Variants in EPM2A observed in about 807,000 individuals in gnomAD.
EPM2A encodes laforin.
A neutral mutation model predicts 26.5 loss-of-function variants in EPM2A; 21 were observed. That is an observed-to-expected ratio of 0.79 (90% CI 0.56 to 1.14). The LOEUF (loss-of-function observed/expected upper bound fraction) is 1.14. Among genes scored for constraint, EPM2A ranks in the 50% most tolerant of loss-of-function variants. The pLI is 0.00. For synonymous variants in EPM2A, 217 were observed against 177.6 expected (o/e 1.22, Z -1.76); for missense variants, 458 against 440.8 (o/e 1.04, Z -0.35).
At chr6:145,698,514 C>T (rs1172204390) in intron 1 of EPM2A, among the ~76,000 whole-genome samples, 3 of 150,524 alleles carry the variant, frequency 2.0e-5, no homozygotes, top group Non-Finnish European at 4.4e-5. Flanking sequence ...TCAAACCATA[C>T]AGAGCAGAAA....
At chr6:145,421,999 A>T (rs979857745) in intron 4 of EPM2A, among the ~76,000 whole-genome samples, 9 of 148,538 alleles carry the variant, frequency 6.1e-5, no homozygotes, top group African/African-American at 2.2e-4. Context: ...AAATCCACAG[A>T]AGTATAGATT....
At chr6:145,530,402 C>T (rs928613855) in intron 2 of EPM2A, among the ~76,000 whole-genome samples, 4 of 152,212 alleles carry the variant, frequency 2.6e-5, no homozygotes, top group African/African-American at 9.6e-5. Context: ...AATTAGTACA[C>T]ACCTAATACT....
chr6:145,419,182 C>A (rs761787960), intron 4 of EPM2A, among the ~76,000 whole-genome samples: 4 of 113,988 alleles, frequency 3.5e-5, no homozygotes, highest in East Asian at 2.3e-4. Flanking sequence ...GTTAAATGTC[C>A]CCCCCCCCCG....
At chr6:145,553,957 C>T (rs1231252758) in intron 2 of EPM2A, among the ~76,000 whole-genome samples, 2 of 150,976 alleles carry the variant, frequency 1.3e-5, no homozygotes, top group African/African-American at 4.9e-5. Context: ...TAAGTATATG[C>T]ACTCTATATT....
intron 4 of EPM2A, among the ~76,000 whole-genome samples, chr6:145,461,305 G>C (rs1251663791): frequency 1.3e-5 from 2 of 152,144 alleles, no homozygotes; most frequent in Non-Finnish European, 2.9e-5. Flanking sequence ...TGCTTGGAGT[G>C]CACCATAGTC....
At chr6:145,682,064 A>G (rs1009680446) in intron 2 of EPM2A, among the ~76,000 whole-genome samples, 1 of 152,122 alleles carries the variant, frequency 6.6e-6, no homozygotes, top group African/African-American at 2.4e-5. Flanking sequence ...ATAAAGACAT[A>G]CCCAAGACTG....
intron 2 of EPM2A, among the ~76,000 whole-genome samples, chr6:145,562,592 C>A (rs2114816142): frequency 6.6e-6 from 1 of 152,180 alleles, no homozygotes; most frequent in African/African-American, 2.4e-5. Context: ...AAAGGAAATT[C>A]AACTTGAGTC....
chr6:145,529,515 C>T (rs1469836636), intron 2 of EPM2A, among the ~76,000 whole-genome samples: 1 of 152,062 alleles, frequency 6.6e-6, no homozygotes, highest in African/African-American at 2.4e-5. Context: ...TTATATTTTT[C>T]AGAAATAAAG....
chr6:145,418,412 G>A (rs945020477), intron 4 of EPM2A, among the ~76,000 whole-genome samples: 1 of 152,204 alleles, frequency 6.6e-6, no homozygotes, highest in Non-Finnish European at 1.5e-5. Context: ...GGGAAAGGAT[G>A]CCTCAAGTGG....
intron 4 of EPM2A, among the ~76,000 whole-genome samples, chr6:145,452,489 C>CAAAAAAAAAAAAAAAAAAAAA (rs563777945): frequency 2.6e-5 from 2 of 75,862 alleles, no homozygotes; most frequent in African/African-American, 6.1e-5. Flanking sequence ...ACTAAAAATA[C>CAAAAAAAAAAAAAAAAAAAAA]AAAAAAAAAA....
intron 1 of EPM2A, among the ~76,000 whole-genome samples, chr6:145,698,117 T>C (rs1429425407): frequency 1.3e-5 from 2 of 152,216 alleles, no homozygotes; most frequent in Admixed American, 1.3e-4. Flanking sequence ...CAATCCACGT[T>C]CTTCTGCCAT....
chr6:145,429,182 A>G (rs1285489986), intron 4 of EPM2A, among the ~76,000 whole-genome samples: 1 of 152,202 alleles, frequency 6.6e-6, no homozygotes, highest in Non-Finnish European at 1.5e-5. Flanking sequence ...TTATGGCAAT[A>G]CTGACCTCTC....
At chr6:145,709,701 T>C (rs1782432084) in intron 1 of EPM2A, among the ~76,000 whole-genome samples, 1 of 152,190 alleles carries the variant, frequency 6.6e-6, no homozygotes, top group African/African-American at 2.4e-5. Context: ...TTTAGAAATA[T>C]AATTCTAGTA....
chr6:145,537,581 G>GTTTT (rs11327111), intron 2 of EPM2A, among the ~76,000 whole-genome samples: 2 of 133,142 alleles, frequency 1.5e-5, no homozygotes, highest in Non-Finnish European at 3.2e-5. Flanking sequence ...CCTACAAGAG[G>GTTTT]TTTTTTTTTT....
At chr6:145,519,191 A>G (rs1009966418) in intron 2 of EPM2A, among the ~76,000 whole-genome samples, 2 of 152,172 alleles carry the variant, frequency 1.3e-5, no homozygotes, top group African/African-American at 4.8e-5. Flanking sequence ...TCCTTTGGAG[A>G]AATATCTTGA....
intron 4 of EPM2A, among the ~76,000 whole-genome samples, chr6:145,427,408 G>A (rs1283087837): frequency 6.6e-6 from 1 of 152,084 alleles, no homozygotes; most frequent in Non-Finnish European, 1.5e-5. Context: ...GGTGAGAGTG[G>A]CATGTCTGAG....
intron 4 of EPM2A, among the ~76,000 whole-genome samples, chr6:145,480,762 T>C (rs1166027591): frequency 1.3e-5 from 2 of 152,160 alleles, no homozygotes; most frequent in African/African-American, 4.8e-5. Context: ...CTTATTTTTA[T>C]GATTTCCTCC....
chr6:145,402,746 C>T (rs543014406), intron 4 of EPM2A, among the ~76,000 whole-genome samples: 1 of 152,222 alleles, frequency 6.6e-6, no homozygotes, highest in Non-Finnish European at 1.5e-5. Context: ...TGGGTGAATT[C>T]TTTGTATTAT....
At chr6:145,465,556 A>C (rs1304732807) in intron 4 of EPM2A, among the ~76,000 whole-genome samples, 1 of 150,580 alleles carries the variant, frequency 6.6e-6, no homozygotes, top group Non-Finnish European at 1.5e-5. Flanking sequence ...TGCTTTTTAG[A>C]GTTTCCAGTT....
Sources: gnomAD v4.1 joint callset for allele counts (sites outside exome capture counted in the v4.1 genomes callset) on GRCh38, gnomAD v4.1.1 for gene constraint, MANE v1.5 for transcripts, NCBI Gene and HGNC (gene_info 2026-07-23, HGNC 2026-07-21) for gene names.